The following GRM7 variants were observed in gnomAD, a reference collection of about 807,000 sequenced individuals.
The protein encoded by GRM7 is glutamate metabotropic receptor 7.
GRM7 carries 35 observed loss-of-function variants against 84.5 expected under a neutral mutation model. That is an observed-to-expected ratio of 0.41 (90% CI 0.32 to 0.55). The LOEUF (loss-of-function observed/expected upper bound fraction) is 0.55, where lower values mean the gene tolerates loss of function less well. Among genes scored for constraint, GRM7 ranks in the 20% least tolerant of loss-of-function variants. The pLI is 0.19. For missense variants in GRM7, 1,003 were observed against 1,194.6 expected (o/e 0.84, Z 2.36); for synonymous variants, 487 against 455.1 (o/e 1.07, Z -0.89).
chr3:7,235,637 CCTCT>C, intron 2 of GRM7, among the ~76,000 whole-genome samples: 1 of 152,128 alleles, frequency 6.6e-6, no homozygotes, highest in Non-Finnish European at 1.5e-5. Flanking sequence ...TTATATCTTG[CCTCT>C]CTATTTAACA....
intron 1 of GRM7, among the ~76,000 whole-genome samples, chr3:7,101,793 A>G (rs1699117357): frequency 6.8e-6 from 1 of 147,684 alleles, no homozygotes; most frequent in Non-Finnish European, 1.5e-5. Flanking sequence ...AATATATAAA[A>G]CTTTATATAT....
Position 7,183,812 on chromosome 3 carries a change from G to GCA in GRM7, c.736+37155_736+37156dup, listed in dbSNP as rs903101167. Among the ~76,000 whole-genome samples the GCA allele has an allele frequency of 1.2e-4, 18 of 151,918 alleles. No homozygotes were observed. In the East Asian group the frequency reaches 1.9e-3, roughly 16 times the overall value. ...ATCATAAATACTATTCCAGATACAT[G>GCA]CACACACACACAGTATTGTAAAACT... On this transcript the variant is annotated intron_variant, in intron 2 of 9. Coordinates refer to ENST00000357716, the MANE Select transcript of GRM7 (RefSeq NM_000844.4).
At chr3:7,666,335 A>G (rs1699700366) in intron 8 of GRM7, among the ~76,000 whole-genome samples, 1 of 152,254 alleles carries the variant, frequency 6.6e-6, no homozygotes, top group Non-Finnish European at 1.5e-5. Context: ...CAAGAATGCC[A>G]GGATAGATAA....
chr3:7,519,542 G>A lies in GRM7; in HGVS notation c.1515+57820G>A, dbSNP rs568140276. Among the ~76,000 whole-genome samples the A allele has an allele frequency of 3.8e-3, 583 of 152,232 alleles. 2 individuals carry two copies. Among genetic ancestry groups the A allele is most frequent in the Non-Finnish European group, 4.1e-3 (279 of 68,018 alleles). ...TTATTTGCAATTTACTGGGGCAGAA[G>A]GCATGGAGTTAAAGAGGTCATAGAT... is the stretch of plus-strand genomic sequence containing the variant. On this transcript the variant is annotated intron_variant, in intron 7 of 9. Transcript: ENST00000357716.
At position 7,369,917 on chromosome 3, in the gene GRM7, C is replaced by A. The variant is rs533491505; in HGVS notation, c.1034-45106C>A. Among the ~76,000 whole-genome samples, 173 of 152,190 alleles carry A rather than the reference C, an allele frequency of 1.1e-3. 4 individuals carry two copies. Among genetic ancestry groups the A allele is most frequent in the African/African-American group, 3.5e-3 (144 of 41,530 alleles). ...ACAGTATTTTTCTATTATTTTTCTT[C>A]TATTCCGATCTAGTCGAGGATCCCA... On this transcript the variant is annotated intron_variant, in intron 4 of 9. Coordinates refer to ENST00000357716, the MANE Select transcript of GRM7 (RefSeq NM_000844.4).
At chr3:7,007,720 G>T (rs1443897764) in intron 1 of GRM7, among the ~76,000 whole-genome samples, 1 of 152,084 alleles carries the variant, frequency 6.6e-6, no homozygotes, top group African/African-American at 2.4e-5. Context: ...ATGATCTGAT[G>T]CCCCACAAAA....
intron 5 of GRM7, among the ~76,000 whole-genome samples, chr3:7,448,194 A>C (rs892686134): frequency 6.6e-6 from 1 of 151,084 alleles, no homozygotes; most frequent in African/African-American, 2.4e-5. Flanking sequence ...ATTGTGAATA[A>C]TGCCGCAATA....
chr3:7,539,654 G>A (rs191847670), intron 7 of GRM7, among the ~76,000 whole-genome samples: 128 of 139,146 alleles, frequency 9.2e-4, no homozygotes, highest in African/African-American at 3.1e-3. Context: ...CAGCCTGGGC[G>A]ACAGAGCAAG....
intron 1 of GRM7, among the ~76,000 whole-genome samples, chr3:7,055,551 C>T (rs1697190545): frequency 1.3e-5 from 2 of 151,090 alleles, no homozygotes; most frequent in South Asian, 4.2e-4. Context: ...GACAGAGTCT[C>T]ACTCTGTCAC....
At chr3:7,449,370 C>G (rs963190204) in intron 5 of GRM7, among the ~76,000 whole-genome samples, 1 of 152,092 alleles carries the variant, frequency 6.6e-6, no homozygotes, top group Non-Finnish European at 1.5e-5. Context: ...GAAGATTCAA[C>G]TTCAGCAAGG....
chr3:7,699,223 C>G (rs1176287653), intron 9 of GRM7, among the ~76,000 whole-genome samples: 1 of 152,120 alleles, frequency 6.6e-6, no homozygotes, highest in East Asian at 1.9e-4. Context: ...TAGGGAAAAA[C>G]TGACTACCTA....
chr3:7,498,044 A>T (rs1699763571), intron 7 of GRM7, among the ~76,000 whole-genome samples: 1 of 152,178 alleles, frequency 6.6e-6, no homozygotes, highest in Non-Finnish European at 1.5e-5. Context: ...TTAGTCCCAG[A>T]TTTCCTCATC....
chr3:7,263,299 G>A (rs552132669), intron 2 of GRM7, among the ~76,000 whole-genome samples: 1 of 152,302 alleles, frequency 6.6e-6, no homozygotes, highest in East Asian at 1.9e-4. Flanking sequence ...CTGCTGCGCT[G>A]GAGAGGGAGA....
chr3:7,664,371 G>A (rs80332450), intron 8 of GRM7, among the ~76,000 whole-genome samples: 3,617 of 152,260 alleles, frequency 0.024, 63 homozygotes, highest in Middle Eastern at 0.038. Context: ...TCCTCATTCT[G>A]ATATGGGTAT....
At chr3:7,098,273 A>T (rs187245820) in intron 1 of GRM7, among the ~76,000 whole-genome samples, 5 of 152,118 alleles carry the variant, frequency 3.3e-5, no homozygotes, top group Non-Finnish European at 5.9e-5. Flanking sequence ...ATACACAGTT[A>T]TTTGTTGGGT....
chr3:6,962,824 C>A (rs1013522850), intron 1 of GRM7, among the ~76,000 whole-genome samples: 1 of 152,008 alleles, frequency 6.6e-6, no homozygotes, highest in Non-Finnish European at 1.5e-5. Flanking sequence ...AGACTAATAG[C>A]CCAATAGGAG....
chr3:6,921,426 G>A (rs1697120210), intron 1 of GRM7, among the ~76,000 whole-genome samples: 2 of 152,130 alleles, frequency 1.3e-5, no homozygotes, highest in African/African-American at 4.8e-5. Context: ...GTGCCCCGAG[G>A]GAAAGCGCAG....
At chr3:7,279,857 T>G (rs1699196584) in intron 2 of GRM7, among the ~76,000 whole-genome samples, 1 of 152,332 alleles carries the variant, frequency 6.6e-6, no homozygotes, top group East Asian at 1.9e-4. Context: ...ACTGCTATTC[T>G]GAAATGCCCG....
At chr3:7,100,563 C>T (rs967010251) in intron 1 of GRM7, among the ~76,000 whole-genome samples, 2 of 151,800 alleles carry the variant, frequency 1.3e-5, no homozygotes, top group Non-Finnish European at 2.9e-5. Context: ...ACCACAAAAA[C>T]ATGGGGCTTG....
Sources: allele counts gnomAD v4.1 joint callset (sites outside exome capture counted in the v4.1 genomes callset), GRCh38; gene constraint gnomAD v4.1.1; transcripts MANE v1.5; gene names NCBI Gene and HGNC (gene_info 2026-07-23, HGNC 2026-07-21).